The following THSD7B variants were observed in gnomAD, a reference collection of about 807,000 sequenced individuals.
THSD7B encodes thrombospondin type 1 domain containing 7B, also known as thrombospondin type-1 domain-containing protein 7B.
A neutral mutation model predicts 213.6 loss-of-function variants in THSD7B; 138 were observed. The ratio of observed to expected loss-of-function variants is 0.65; its 90% CI spans 0.56 to 0.74. The LOEUF (loss-of-function observed/expected upper bound fraction) is 0.74, where lower values mean the gene tolerates loss of function less well. Among genes scored for constraint, THSD7B ranks in the 30% least tolerant of loss-of-function variants. The pLI is 0.00. For synonymous variants in THSD7B, 742 were observed against 687.0 expected (o/e 1.08, Z -1.25); for missense variants, 1,931 against 1,991.5 (o/e 0.97, Z 0.58).
intron 12 of THSD7B, among the ~76,000 whole-genome samples, chr2:137,300,007 T>C (rs765258511): frequency 1.9e-4 from 29 of 152,296 alleles, no homozygotes; most frequent in Middle Eastern, 3.4e-3. Context: ...CTCACTGTTA[T>C]GTGCTTGATG....
intron 5 of THSD7B, among the ~76,000 whole-genome samples, chr2:137,138,390 GC>G (rs1573847085): frequency 6.6e-6 from 1 of 152,116 alleles, no homozygotes; most frequent in Non-Finnish European, 1.5e-5. Flanking sequence ...ATTCCTAACA[GC>G]TTTTGGTGTT....
intron 12 of THSD7B, among the ~76,000 whole-genome samples, chr2:137,324,944 T>C (rs1684334813): frequency 6.6e-6 from 1 of 152,166 alleles, no homozygotes; most frequent in Admixed American, 6.5e-5. Flanking sequence ...CGAATAGAGG[T>C]CAGCAAATTC....
chr2:137,001,579 C>G (rs1685999859), intron 2 of THSD7B, among the ~76,000 whole-genome samples: 1 of 152,092 alleles, frequency 6.6e-6, no homozygotes, highest in African/African-American at 2.4e-5. Context: ...ATTTCCAGTT[C>G]TACATTTATC....
intron 12 of THSD7B, among the ~76,000 whole-genome samples, chr2:137,302,224 T>G (rs559067936): frequency 6.6e-6 from 1 of 151,984 alleles, no homozygotes; most frequent in East Asian, 1.9e-4. Context: ...AGGGATTGTA[T>G]GTAACTAGGG....
chr2:137,415,940 G>T (rs1328630440), intron 14 of THSD7B, among the ~76,000 whole-genome samples: 1 of 151,782 alleles, frequency 6.6e-6, no homozygotes, highest in Non-Finnish European at 1.5e-5. Context: ...AGTGCTTATT[G>T]TCTCTCCCTG....
intron 2 of THSD7B, among the ~76,000 whole-genome samples, chr2:136,890,777 G>A (rs930850554): frequency 1.3e-5 from 2 of 151,232 alleles, no homozygotes; most frequent in African/African-American, 4.9e-5. Flanking sequence ...CTGACCTCAG[G>A]TGATCCACCT....
intron 1 of THSD7B, among the ~76,000 whole-genome samples, chr2:136,803,945 G>T (rs1281917629): frequency 3.7e-4 from 57 of 152,130 alleles, no homozygotes; most frequent in Admixed American, 3.6e-3. Context: ...ACTGGACGAG[G>T]CCCAGTGACA....
At position 137,228,812 on chromosome 2, in the gene THSD7B, A is replaced by T. The variant is rs190408028; in HGVS notation, c.1724-2232A>T. ...TTTTATGTGTTAATAGCTCATCTTC[A>T]TCATTAATCATGAGCTCTAGAAAGA... On this transcript the variant is annotated intron_variant, in intron 7 of 27. Transcript: ENST00000409968. Among the ~76,000 whole-genome samples the T allele has an allele frequency of 1.2e-4, 18 of 152,272 alleles. No homozygotes were observed. The East Asian group carries it at 3.5e-3, about 29-fold the overall frequency.
intron 12 of THSD7B, among the ~76,000 whole-genome samples, chr2:137,321,249 T>C (rs375390168): frequency 6.6e-6 from 1 of 152,332 alleles, no homozygotes; most frequent in East Asian, 1.9e-4. Context: ...GGCTAAATTA[T>C]GTATGGTGTA....
intron 11 of THSD7B, among the ~76,000 whole-genome samples, chr2:137,274,682 G>A (rs12613251): frequency 0.027 from 4,109 of 152,018 alleles, 109 homozygotes; most frequent in Middle Eastern, 0.099. Context: ...TGGTCAAGAA[G>A]GTCTGTATAA....
At chr2:137,383,864 G>A (rs1044857795) in intron 12 of THSD7B, among the ~76,000 whole-genome samples, 4 of 152,078 alleles carry the variant, frequency 2.6e-5, no homozygotes, top group African/African-American at 9.7e-5. Context: ...CCTGACACCT[G>A]CTAAAACTGA....
chr2:137,639,497 A>G (rs1165162104), intron 20 of THSD7B, among the ~76,000 whole-genome samples: 1 of 152,154 alleles, frequency 6.6e-6, no homozygotes, highest in Non-Finnish European at 1.5e-5. Flanking sequence ...CAGAGTCCCT[A>G]GTGGGGTGCT....
intron 10 of THSD7B, among the ~76,000 whole-genome samples, chr2:137,267,131 A>G (rs1682608492): frequency 6.6e-6 from 1 of 152,168 alleles, no homozygotes; most frequent in African/African-American, 2.4e-5. Flanking sequence ...TGTGGTAAAT[A>G]TGTTTCTTAA....
chr2:137,075,118 T>C (rs562242421), intron 3 of THSD7B, among the ~76,000 whole-genome samples: 1 of 152,326 alleles, frequency 6.6e-6, no homozygotes, highest in East Asian at 1.9e-4. Flanking sequence ...ATTTCCTGGA[T>C]TTGAATGTTG....
chr2:136,990,982 C>T (rs899912112), intron 2 of THSD7B: 2 of 1,296,504 alleles, frequency 1.5e-6, no homozygotes, highest in African/African-American at 1.5e-5. Flanking sequence ...AAAACTATCA[C>T]ATCGTCTCTG....
chr2:137,196,816 G>A (rs1335506820), intron 7 of THSD7B, among the ~76,000 whole-genome samples: 1 of 152,110 alleles, frequency 6.6e-6, no homozygotes, highest in Non-Finnish European at 1.5e-5. Flanking sequence ...TTATGCATAT[G>A]CAAATATTCA....
intron 5 of THSD7B, among the ~76,000 whole-genome samples, chr2:137,118,607 A>C (rs1688485930): frequency 6.6e-6 from 1 of 152,162 alleles, no homozygotes; most frequent in Non-Finnish European, 1.5e-5. Flanking sequence ...GCATATTAAA[A>C]ATGGAACACA....
chr2:136,865,849 T>C (rs571695088), intron 1 of THSD7B, among the ~76,000 whole-genome samples: 6 of 152,316 alleles, frequency 3.9e-5, no homozygotes, highest in Non-Finnish European at 5.9e-5. Flanking sequence ...CAAAGATGTG[T>C]TGGAGTGCAT....
intron 2 of THSD7B, among the ~76,000 whole-genome samples, chr2:136,966,354 A>C (rs1018081249): frequency 6.6e-6 from 1 of 152,016 alleles, no homozygotes; most frequent in Non-Finnish European, 1.5e-5. Flanking sequence ...AATAGCTAGG[A>C]CTACAGGTGC....
Sources: allele counts gnomAD v4.1 joint callset (sites outside exome capture counted in the v4.1 genomes callset), GRCh38; gene constraint gnomAD v4.1.1; transcripts MANE v1.5; gene names NCBI Gene and HGNC (gene_info 2026-07-23, HGNC 2026-07-21).